METAP1D: variants seen among roughly 807,000 people sequenced by gnomAD.
The protein encoded by METAP1D is methionine aminopeptidase 1D, mitochondrial.
Under a neutral mutation model 40.5 loss-of-function variants are expected in METAP1D, and 31 were observed. The ratio of observed to expected loss-of-function variants is 0.77; its 90% CI spans 0.58 to 1.03. The LOEUF (loss-of-function observed/expected upper bound fraction) is 1.03, where lower values mean the gene tolerates loss of function less well. Ranked by LOEUF, METAP1D falls within the 50% of genes least tolerant of loss-of-function variation. The probability of loss-of-function intolerance (pLI) is 0.00; values close to 1 mark genes in which losing one functional copy is unlikely to be tolerated. For synonymous variants in METAP1D, 151 were observed against 146.4 expected, an observed-to-expected ratio of 1.03 and a Z score of -0.22; for missense variants, 411 against 420.7, an observed-to-expected ratio of 0.98 and a Z score of 0.20.
intron 6 of METAP1D, among the ~76,000 whole-genome samples, chr2:172,076,186 A>C (rs890943688): frequency 1.4e-5 from 2 of 139,898 alleles, no homozygotes; most frequent in Admixed American, 7.9e-5. Context: ...CTCTAAAAAC[A>C]AAAAAAAAAG....
At chr2:172,025,642 T>TA (rs1039461229) in intron 1 of METAP1D, among the ~76,000 whole-genome samples, 62 of 152,284 alleles carry the variant, frequency 4.1e-4, no homozygotes, top group African/African-American at 1.5e-3. Flanking sequence ...TGGAAAATTT[T>TA]AAATATGCAT....
At chr2:172,030,182 T>C (rs184838879) in intron 1 of METAP1D, among the ~76,000 whole-genome samples, 10,852 of 150,296 alleles carry the variant, frequency 0.072, 994 homozygotes, top group East Asian at 0.49. Context: ...CTCCACCTCC[T>C]GGGTTCAAGC....
intron 6 of METAP1D, among the ~76,000 whole-genome samples, chr2:172,073,892 A>G (rs574073599): frequency 1.3e-5 from 2 of 152,364 alleles, no homozygotes; most frequent in African/African-American, 4.8e-5. Flanking sequence ...AGAACAAGCA[A>G]CTTGTATTAG....
At chr2:172,018,082 G>A (rs1429602274) in intron 1 of METAP1D, among the ~76,000 whole-genome samples, 9 of 135,688 alleles carry the variant, frequency 6.6e-5, no homozygotes, top group East Asian at 4.3e-4. Flanking sequence ...AGCTGAGATC[G>A]CACCACTGCA....
chr2:172,010,087 A>G (rs1397225408), intron 1 of METAP1D, among the ~76,000 whole-genome samples: 1 of 151,916 alleles, frequency 6.6e-6, no homozygotes, highest in Non-Finnish European at 1.5e-5. Context: ...GGAGCTTGTG[A>G]AAAGTGACAG....
At chr2:172,000,962 C>T (rs952131930) in intron 1 of METAP1D, among the ~76,000 whole-genome samples, 1 of 152,034 alleles carries the variant, frequency 6.6e-6, no homozygotes, top group Non-Finnish European at 1.5e-5. Flanking sequence ...GTGATCGTAC[C>T]ACTGAACTCC....
Position 172,080,437 on chromosome 2 carries a change from G to T in METAP1D, c.*31G>T, listed in dbSNP as rs1007530062. 6.2e-7 allele frequency: 1 copy of T among 1,608,590 alleles called. No homozygotes were observed. Among genetic ancestry groups the T allele is most frequent in the Admixed American group, 1.7e-5 (1 of 59,946 alleles). ...CGCCCGAAGGTCGCGGTGACCTGGT[G>T]CCTTTTTAAATAAATTGCTGAAATT... On this transcript the variant is annotated 3_prime_UTR_variant, in exon 10 of 10. Coordinates refer to ENST00000315796, the MANE Select transcript of METAP1D (RefSeq NM_199227.3).
intron 6 of METAP1D, among the ~76,000 whole-genome samples, chr2:172,073,790 A>G (rs1469738718): frequency 2.6e-5 from 4 of 152,204 alleles, no homozygotes; most frequent in African/African-American, 9.7e-5. Flanking sequence ...ATTACAGACC[A>G]AAGGTTTACA....
At chr2:172,047,610 T>G (rs1472431910) in intron 1 of METAP1D, among the ~76,000 whole-genome samples, 1 of 152,142 alleles carries the variant, frequency 6.6e-6, no homozygotes, top group African/African-American at 2.4e-5. Context: ...ATTTTTGTAT[T>G]TTTCATAGAG....
At chr2:172,031,559 CTTT>C (rs1236952441) in intron 1 of METAP1D, among the ~76,000 whole-genome samples, 1 of 152,190 alleles carries the variant, frequency 6.6e-6, no homozygotes, top group African/African-American at 2.4e-5. Context: ...CTTTCTCTCT[CTTT>C]TTGAGCACAA....
chr2:172,016,294 AAAAAAAATATATATATAT>A (rs1442496526), intron 1 of METAP1D, among the ~76,000 whole-genome samples: 47 of 72,010 alleles, frequency 6.5e-4, no homozygotes, highest in African/African-American at 1.8e-3. Flanking sequence ...AAAAAAAAAA[AAAAAAAATATATATATAT>A]ATATATATAT....
At position 172,075,487 on chromosome 2, in the gene METAP1D, T is replaced by C. The variant is rs543933099; in HGVS notation, c.705-2310T>C. 2.6e-5 allele frequency among the ~76,000 whole-genome samples: 4 copies of C among 152,302 alleles called. No individual in the cohort carries two copies. The East Asian group carries it at 7.7e-4, about 29-fold the overall frequency. On this transcript the variant is annotated intron_variant, in intron 6 of 9. Coordinates refer to ENST00000315796, the MANE Select transcript of METAP1D (RefSeq NM_199227.3). The stretch of plus-strand genomic sequence containing the variant: ...TTTCCCCAGCATGCCAGTCAAGAGC[T>C]GCAGACATACTCCAACTCCCCATGC...
intron 5 of METAP1D, among the ~76,000 whole-genome samples, chr2:172,068,295 AGGCAG>A (rs1243071924): frequency 1.3e-5 from 2 of 152,110 alleles, no homozygotes; most frequent in Non-Finnish European, 2.9e-5. Flanking sequence ...TAGGAGGCTG[AGGCAG>A]GGAGAATTGC....
rs370357959 is a variant in METAP1D at position 172,052,341 on chromosome 2, A to G, written c.41-9157A>G. ...CAGGAAGCAGTGGTGTATGGTGTCC[A>G]TATCCACGATTTCCTGCATTGGAGA... On this transcript the variant is annotated intron_variant, in intron 1 of 9. Coordinates refer to ENST00000315796, the MANE Select transcript of METAP1D (RefSeq NM_199227.3). Among the ~76,000 whole-genome samples, 6 of 152,188 alleles carry G rather than the reference A, an allele frequency of 3.9e-5. No homozygotes were observed. The East Asian group carries it at 7.7e-4, about 20-fold the overall frequency.
chr2:172,055,438 A>C (rs961912222), intron 1 of METAP1D, among the ~76,000 whole-genome samples: 1 of 152,144 alleles, frequency 6.6e-6, no homozygotes, highest in Admixed American at 6.5e-5. Flanking sequence ...TATAATAGAG[A>C]CTGGGGATTT....
At chr2:172,042,902 T>C (rs1489766720) in intron 1 of METAP1D, among the ~76,000 whole-genome samples, 1 of 128,718 alleles carries the variant, frequency 7.8e-6, no homozygotes, top group East Asian at 2.1e-4. Flanking sequence ...TATGTGTATG[T>C]GTACATATGT....
intron 1 of METAP1D, among the ~76,000 whole-genome samples, chr2:172,005,677 A>C (rs1028577405): frequency 4.6e-5 from 7 of 151,016 alleles, no homozygotes; most frequent in African/African-American, 1.7e-4. Flanking sequence ...AGCTGGGACT[A>C]CAGGCACCCG....
chr2:172,071,078 T>G lies in METAP1D; in HGVS notation c.704+8T>G, dbSNP rs1690412417. ...AATTGGAAACACAATCAGGTAAGCC[T>G]TACATTGACAAGTAAAGGGAGGGTT... On this transcript the variant is annotated splice_region_variant and intron_variant, in intron 6 of 9. Coordinates refer to ENST00000315796, the MANE Select transcript of METAP1D (RefSeq NM_199227.3). The G allele has an allele frequency of 1.3e-6, 2 of 1,597,292 alleles. No homozygotes were observed. Among genetic ancestry groups the G allele is most frequent in the African/African-American group, 1.3e-5 (1 of 74,176 alleles).
intron 1 of METAP1D, among the ~76,000 whole-genome samples, chr2:172,052,922 T>C (rs934167507): frequency 6.6e-6 from 1 of 151,942 alleles, no homozygotes; most frequent in Admixed American, 6.6e-5. Context: ...GTGCATGTGG[T>C]TTTTTTTCCC....
Sources: gnomAD v4.1 joint callset for allele counts (sites outside exome capture counted in the v4.1 genomes callset) on GRCh38, gnomAD v4.1.1 for gene constraint, MANE v1.5 for transcripts, NCBI Gene and HGNC (gene_info 2026-07-23, HGNC 2026-07-21) for gene names.